AP2B1: variants seen among roughly 807,000 people sequenced by gnomAD.
AP2B1 encodes AP-2 complex subunit beta.
A neutral mutation model predicts 102.0 loss-of-function variants in AP2B1; 23 were observed. The ratio of observed to expected loss-of-function variants is 0.23; its 90% CI spans 0.16 to 0.32. The LOEUF (loss-of-function observed/expected upper bound fraction) is 0.32. Ranked by LOEUF, AP2B1 falls within the 10% of genes least tolerant of loss-of-function variation. AP2B1 has a pLI of 1.00. For synonymous variants in AP2B1, 381 were observed against 421.2 expected (o/e 0.90, Z 1.17); for missense variants, 541 against 1,157.4 (o/e 0.47, Z 7.73).
chr17:35,657,849 A>G (rs113967424), intron 14 of AP2B1, 58 bp downstream of exon 14: 22 of 1,501,634 alleles, frequency 1.5e-5, no homozygotes, highest in African/African-American at 1.4e-4. Flanking sequence ...TATGCTAGAG[A>G]GTTTTAAATT....
At chr17:35,638,066 C>T (rs953054494) in intron 10 of AP2B1, among the ~76,000 whole-genome samples, 1 of 152,114 alleles carries the variant, frequency 6.6e-6, no homozygotes, top group African/African-American at 2.4e-5. Flanking sequence ...ACACATACTC[C>T]TGGGCTTAAG....
chr17:35,628,384 T>C (rs2074372734), intron 9 of AP2B1, among the ~76,000 whole-genome samples: 1 of 152,184 alleles, frequency 6.6e-6, no homozygotes, highest in Non-Finnish European at 1.5e-5. Context: ...AGAGGACTGC[T>C]TGAGCCCAGC....
Position 35,646,351 on chromosome 17 carries a change from A to G in AP2B1, c.1537-4179A>G, listed in dbSNP as rs187674943. The stretch of plus-strand genomic sequence containing the variant: ...AGGCAGTTGGTGAGGACTGGCTTAC[A>G]GTAGGCCTAACAGGTCATCCCTCAG... On this transcript the variant is annotated intron_variant, in intron 12 of 21. Coordinates refer to ENST00000610402, the MANE Select transcript of AP2B1 (RefSeq NM_001030006.2). Among the ~76,000 whole-genome samples, 159 of 151,902 alleles carry G rather than the reference A, an allele frequency of 1.0e-3. 1 individual carries two copies. The highest frequency in any genetic ancestry group is 2.1e-3 in the Admixed American group (32 of 15,214).
rs56363655 is a variant in AP2B1 at position 35,694,433 on chromosome 17, T to TTA, written c.2454+11609_2454+11610insTA. ...TGACTTTTTTTTTTTTTTAATTTTT[T>TTA]AATTTTTTGTAGAGTTGAGGTCTGG... On this transcript the variant is annotated intron_variant, in intron 18 of 21. Transcript: ENST00000610402. 2.0e-4 allele frequency among the ~76,000 whole-genome samples: 29 copies of TTA among 146,538 alleles called. 1 individual carries two copies. The highest frequency in any genetic ancestry group is 7.2e-3 in the Middle Eastern group (2 of 276).
intron 2 of AP2B1, among the ~76,000 whole-genome samples, chr17:35,597,876 A>C (rs950678606): frequency 6.6e-6 from 1 of 152,132 alleles, no homozygotes; most frequent in Admixed American, 6.5e-5. Flanking sequence ...ACCTACGTTT[A>C]TGTTCTCCTC....
intron 1 of AP2B1, among the ~76,000 whole-genome samples, chr17:35,592,646 G>A (rs900025479): frequency 6.6e-6 from 1 of 152,080 alleles, no homozygotes; most frequent in South Asian, 2.1e-4. Flanking sequence ...AGGTCCAAGC[G>A]ATTCTCCTGC....
At chr17:35,605,947 T>C (rs2073658921) in intron 4 of AP2B1, 107 bp downstream of exon 4, 1 of 1,498,176 alleles carries the variant, frequency 6.7e-7, no homozygotes, top group South Asian at 1.4e-5. Flanking sequence ...GGAATGTTCA[T>C]GTTTTAAGCA....
chr17:35,641,520 A>T (rs976044809), intron 11 of AP2B1, among the ~76,000 whole-genome samples: 1 of 152,124 alleles, frequency 6.6e-6, no homozygotes, highest in Non-Finnish European at 1.5e-5. Context: ...TGAGGCTACA[A>T]TGAGCTATGG....
intron 2 of AP2B1, among the ~76,000 whole-genome samples, chr17:35,596,571 G>A (rs1367209540): frequency 1.3e-5 from 2 of 148,916 alleles, no homozygotes; most frequent in Non-Finnish European, 3.0e-5. Flanking sequence ...CCCAGTCCTC[G>A]GGCGCCGTCA....
intron 1 of AP2B1, among the ~76,000 whole-genome samples, chr17:35,593,405 C>A (rs2073163546): frequency 6.6e-6 from 1 of 151,626 alleles, no homozygotes; most frequent in African/African-American, 2.4e-5. Flanking sequence ...CAAAATATCT[C>A]ATGTACCTAT....
In AP2B1 at chr17:35,682,880, A is replaced by ATTG. The variant is rs1661525356; in HGVS notation, c.2454+58_2454+59insGTT. On this transcript the variant is annotated intron_variant, in intron 18 of 21. Coordinates refer to ENST00000610402, the MANE Select transcript of AP2B1 (RefSeq NM_001030006.2). ...AGTTAATATCTTGACAATTATTATT[A>ATTG]TTATTATTATTTTTAAAGACACAGT... The ATTG allele has an allele frequency of 6.0e-5, 88 of 1,473,728 alleles. 1 individual carries two copies. The South Asian group carries it at 9.1e-4, about 15-fold the overall frequency. 91.3% of individuals were successfully genotyped at this position (1,473,728 alleles called of 1,614,324 possible). A position where few individuals can be genotyped will look rare whatever the true frequency, so the allele number is the denominator to read the frequency against.
rs565977194 is a variant in AP2B1, at chr17:35,664,698, A to G, written c.1990-6159A>G. Among the ~76,000 whole-genome samples, 20 of 152,344 alleles carry G rather than the reference A, an allele frequency of 1.3e-4. No individual in the cohort carries two copies. In the South Asian group the frequency reaches 2.9e-3, roughly 22 times the overall value. On this transcript the variant is annotated intron_variant, in intron 14 of 21. Transcript: ENST00000610402. ...GTATTCAGGCTCTATTCTGTGTACT[A>G]GGCATATAGAATGGTCCTTGCAACC...
At chr17:35,632,591 T>C (rs923435657) in intron 9 of AP2B1, among the ~76,000 whole-genome samples, 1 of 152,170 alleles carries the variant, frequency 6.6e-6, no homozygotes, top group Non-Finnish European at 1.5e-5. Flanking sequence ...TATTTCTGTT[T>C]CTGGACTTTT....
intron 18 of AP2B1, among the ~76,000 whole-genome samples, chr17:35,683,491 T>G (rs1432834740): frequency 6.6e-6 from 1 of 152,318 alleles, no homozygotes; most frequent in East Asian, 1.9e-4. Flanking sequence ...GCTGTTTGGA[T>G]TTAAATGCCC....
At chr17:35,588,754 C>T (rs2072986935) in intron 1 of AP2B1, 1 of 152,190 alleles carries the variant, frequency 6.6e-6, no homozygotes, top group Non-Finnish European at 1.5e-5. Flanking sequence ...TTTGCAGTAT[C>T]TTAGCCGTTG....
At chr17:35,670,794 G>A in intron 14 of AP2B1, 63 bp from the exon 15 acceptor site, 2 of 1,501,162 alleles carry the variant, frequency 1.3e-6, no homozygotes, top group African/African-American at 1.4e-5. Flanking sequence ...TTCTATATGG[G>A]CATCTAGTAT....
intron 11 of AP2B1, among the ~76,000 whole-genome samples, chr17:35,640,227 A>ATTTTTT (rs745826240): frequency 1.7e-5 from 1 of 60,546 alleles, no homozygotes; most frequent in African/African-American, 7.1e-5. Context: ...AGTTTTACTG[A>ATTTTTT]TTTTTTTTTT....
intron 9 of AP2B1, among the ~76,000 whole-genome samples, chr17:35,629,396 T>A (rs374453535): frequency 3.0e-4 from 45 of 152,168 alleles, no homozygotes; most frequent in African/African-American, 1.1e-3. Flanking sequence ...TCTTCTTGTT[T>A]TTTCTACTCT....
chr17:35,618,786 G>A (rs1458564661), intron 5 of AP2B1, among the ~76,000 whole-genome samples: 2 of 152,032 alleles, frequency 1.3e-5, no homozygotes, highest in Non-Finnish European at 2.9e-5. Flanking sequence ...TTAACAAAAT[G>A]AGGTCAAATT....
Sources: gnomAD v4.1 joint callset for allele counts (sites outside exome capture counted in the v4.1 genomes callset) on GRCh38, gnomAD v4.1.1 for gene constraint, MANE v1.5 for transcripts, NCBI Gene and HGNC (gene_info 2026-07-23, HGNC 2026-07-21) for gene names.